HOXA10: variants seen among roughly 807,000 people sequenced by gnomAD.
HOXA10 encodes homeobox A10, also known as homeobox protein Hox-A10.
A neutral mutation model predicts 29.7 loss-of-function variants in HOXA10; 12 were observed. The ratio of observed to expected loss-of-function variants is 0.40; its 90% confidence interval spans 0.26 to 0.65. The LOEUF (loss-of-function observed/expected upper bound fraction) is 0.65. HOXA10 is among the 30% of genes least tolerant of loss of function. The probability of loss-of-function intolerance (pLI) is 0.37; values close to 1 mark genes in which losing one functional copy is unlikely to be tolerated. For synonymous variants in HOXA10, 327 were observed against 280.7 expected, an observed-to-expected ratio of 1.16 and a Z score of -1.65; for missense variants, 656 against 585.9, an observed-to-expected ratio of 1.12 and a Z score of -1.24.
At position 27,173,377 on chromosome 7, in the gene HOXA10, G is replaced by A; in HGVS notation, c.930C>T (p.Ser310=). The part of the protein sequence containing the change: ...EELSPAPSES[S]KASPEKDSLG... ...GGGAATCCTTCTCCGGCGAGGCTTT[G>A]CTGCTCTCGGAAGGGGCCGGGGAGA... is the stretch of plus-strand genomic sequence containing the variant. Residue 310 remains serine (S), a synonymous_variant, in exon 1 of 2, where the codon AGC becomes AGT. Coordinates refer to ENST00000283921, the MANE Select transcript of HOXA10 (RefSeq NM_018951.4). 1 of 1,612,070 alleles carries A rather than the reference G, an allele frequency of 6.2e-7. No individual in the cohort carries two copies. The highest frequency in any genetic ancestry group is 8.5e-7 in the Non-Finnish European group (1 of 1,179,786).
At chr7:27,175,471 C>A (rs1472810281), upstream of HOXA10, among the ~76,000 whole-genome samples, 2 of 152,212 alleles carry the variant, frequency 1.3e-5, no homozygotes, top group Non-Finnish European at 2.9e-5. Context: ...TTTAACGAGG[C>A]CTCGGTGAGG....
Position 27,171,222 on chromosome 7 carries a change from CT to C in HOXA10, c.*676del, listed in dbSNP as rs771667354. The C allele has an allele frequency of 4.4e-5, 20 of 453,316 alleles. No homozygotes were observed. Among genetic ancestry groups the C allele is most frequent in the South Asian group, 1.9e-4 (12 of 64,338 alleles). 28.1% of individuals were successfully genotyped at this position (453,316 alleles called of 1,614,324 possible). On this transcript the variant is annotated 3_prime_UTR_variant, in exon 2 of 2. Transcript: ENST00000283921. Reference sequence around the variant, plus strand: ...GAGAAGTCCCCTTCTCTTGGTAATTCTTTTTTTTTCTTTTTAAAGCTGGGAT... The same window carrying C: ...GAGAAGTCCCCTTCTCTTGGTAATTCTTTTTTTTCTTTTTAAAGCTGGGAT...
rs1007343827 is a variant in HOXA10 at position 27,171,269 on chromosome 7, A to G, written c.*630T>C. On this transcript the variant is annotated 3_prime_UTR_variant, in exon 2 of 2. Transcript: ENST00000283921. ...GGGATATCTTACAGAGGAAGGAAAA[A>G]TTAACCTTTTTTACTTTCTTTCTCA... 12 of 454,048 alleles carry G rather than the reference A, an allele frequency of 2.6e-5. No homozygotes were observed. Among genetic ancestry groups the G allele is most frequent in the African/African-American group, 1.4e-4 (7 of 50,022 alleles). The allele number at this position is 454,048 out of a possible 1,614,324, so 28.1% of individuals were successfully genotyped here.
In HOXA10 at chr7:27,173,514, G is replaced by A; in HGVS notation, c.793C>T (p.Arg265Trp). 1 of 1,470,846 alleles carries A rather than the reference G, an allele frequency of 6.8e-7. No individual in the cohort carries two copies. Among genetic ancestry groups the A allele is most frequent in the South Asian group, 1.4e-5 (1 of 72,600 alleles). 91.1% of individuals were successfully genotyped at this position (1,470,846 alleles called of 1,614,324 possible). A position where few individuals can be genotyped will look rare whatever the true frequency, so the allele number is the denominator to read the frequency against. The stretch of plus-strand genomic sequence containing the variant: ...GGCGAATCGAGGGCTCGCTCCTTCC[G>A]GGCCGCATCGGCCGAGCCGGAGGCT... ...ALASGSADAA[R>W]KERALDSPPP... The change falls in exon 1 of 2, where the codon CGG becomes TGG. Residue 265 changes from arginine (R) to tryptophan (W), a missense_variant. By Grantham distance (101) the Arg-to-Trp change is moderately radical. Coordinates refer to ENST00000283921, the MANE Select transcript of HOXA10 (RefSeq NM_018951.4).
At chr7:27,176,637 GATA>G (rs1783658984), upstream of HOXA10, among the ~76,000 whole-genome samples, 1 of 152,202 alleles carries the variant, frequency 6.6e-6, no homozygotes, top group Admixed American at 6.5e-5. Context: ...TTTCCTCAAG[GATA>G]ATGAGCCGTG....
upstream of HOXA10, among the ~76,000 whole-genome samples, chr7:27,176,188 A>C (rs1783652410): frequency 6.6e-6 from 1 of 152,238 alleles, no homozygotes. Flanking sequence ...AAAGAGAGAG[A>C]AACAGGAGGG....
At chr7:27,178,077 C>G (rs1354633684), upstream of HOXA10, among the ~76,000 whole-genome samples, 1 of 152,180 alleles carries the variant, frequency 6.6e-6, no homozygotes, top group Non-Finnish European at 1.5e-5. Context: ...AAACAAGTTC[C>G]TAATGAAAAG....
At chr7:27,179,624 T>G in intron 1 of HOXA10, 1 of 777,656 alleles carries the variant, frequency 1.3e-6, no homozygotes, top group East Asian at 2.4e-5. Context: ...AGACTGAAAT[T>G]GCTAAACTTG....
At chr7:27,177,312 G>C (rs1783670049), upstream of HOXA10, among the ~76,000 whole-genome samples, 1 of 152,164 alleles carries the variant, frequency 6.6e-6, no homozygotes, top group South Asian at 2.1e-4. Flanking sequence ...CGGGATGTTG[G>C]GCTTGAGCTC....
upstream of HOXA10, among the ~76,000 whole-genome samples, chr7:27,177,544 T>G (rs766903305): frequency 2.6e-5 from 4 of 152,096 alleles, no homozygotes; most frequent in African/African-American, 4.8e-5. Context: ...TCTCAGTTGG[T>G]CTCCTAGCCC....
upstream of HOXA10, among the ~76,000 whole-genome samples, chr7:27,175,463 T>C (rs1000972643): frequency 3.3e-5 from 5 of 152,188 alleles, no homozygotes; most frequent in African/African-American, 1.2e-4. Flanking sequence ...GTGTGCATTT[T>C]AACGAGGCCT....
At chr7:27,174,627 G>A (rs1783615059), upstream of HOXA10, 1 of 422,926 alleles carries the variant, frequency 2.4e-6, no homozygotes, top group African/African-American at 2.1e-5. Context: ...GGGTCCCTTA[G>A]AAGGGCCCTT....
chr7:27,178,092 C>T (rs17437467), upstream of HOXA10, among the ~76,000 whole-genome samples: 702 of 152,302 alleles, frequency 4.6e-3, 2 homozygotes, highest in Non-Finnish European at 7.1e-3. Flanking sequence ...GAAAAGATAC[C>T]AGGTCCTGAG....
chr7:27,177,493 A>G (rs1038429759), upstream of HOXA10, among the ~76,000 whole-genome samples: 1 of 152,072 alleles, frequency 6.6e-6, no homozygotes, highest in African/African-American at 2.4e-5. Flanking sequence ...ATGAGAGGAT[A>G]CTAACGCAGC....
In HOXA10 at chr7:27,173,499, G is replaced by C. The variant is rs1417048827; in HGVS notation, c.808C>G (p.Leu270Val). ...SADAARKERALDSPPPPTLAC... is the reference protein window; with the variant it reads ...SADAARKERAVDSPPPPTLAC... ...AGCGTGGGGGGCGGCGGCGAATCGA[G>C]GGCTCGCTCCTTCCGGGCCGCATCG... The change falls in exon 1 of 2, where the codon CTC (leucine) becomes GTC (valine). Residue 270 changes from leucine to valine, a missense_variant. Physicochemically the swap from Leu to Val is conservative, Grantham distance 32. Transcript: ENST00000283921. 5 of 1,515,672 alleles carry C rather than the reference G, an allele frequency of 3.3e-6. No homozygotes were observed. In the South Asian group the frequency reaches 5.0e-5, roughly 15 times the overall value. 93.9% of individuals were successfully genotyped at this position (1,515,672 alleles called of 1,614,324 possible). A position where few individuals can be genotyped will look rare whatever the true frequency, so the allele number is the denominator to read the frequency against.
At chr7:27,178,967 A>G (rs1456641940), upstream of HOXA10, among the ~76,000 whole-genome samples, 1 of 152,246 alleles carries the variant, frequency 6.6e-6, no homozygotes, top group Non-Finnish European at 1.5e-5. Context: ...AGTATTTACC[A>G]ATACATTTTT....
chr7:27,177,777 C>A (rs2115456452), upstream of HOXA10, among the ~76,000 whole-genome samples: 1 of 152,280 alleles, frequency 6.6e-6, no homozygotes, highest in South Asian at 2.1e-4. Flanking sequence ...CCATTCTTCC[C>A]AGCTACTAAA....
chr7:27,173,091 C>T lies in HOXA10; in HGVS notation c.958+258G>A, dbSNP rs930225328. 1.2e-5 allele frequency: 7 copies of T among 572,182 alleles called. No homozygotes were observed. In the African/African-American group the frequency reaches 1.3e-4, roughly 11 times the overall value. 35.4% of individuals were successfully genotyped at this position (572,182 alleles called of 1,614,324 possible). On this transcript the variant is annotated intron_variant, in intron 1 of 1. Transcript: ENST00000283921. Reference sequence around the variant, plus strand: ...GAAAGAGCGCACAGGAGGGGGCCTGCTCGCTGGTGTCCTCGTCCCTAGTCA... The same window carrying T: ...GAAAGAGCGCACAGGAGGGGGCCTGTTCGCTGGTGTCCTCGTCCCTAGTCA...
upstream of HOXA10, among the ~76,000 whole-genome samples, chr7:27,179,054 T>G (rs1783703909): frequency 6.6e-6 from 1 of 152,266 alleles, no homozygotes. Flanking sequence ...CAGCTGGGTT[T>G]ATAACAGCGT....
Sources: allele counts gnomAD v4.1 joint callset (sites outside exome capture counted in the v4.1 genomes callset), GRCh38; gene constraint gnomAD v4.1.1; transcripts MANE v1.5; gene names NCBI Gene and HGNC (gene_info 2026-07-23, HGNC 2026-07-21).